Variants in DNAH5 observed in about 807,000 individuals in gnomAD.
DNAH5 encodes dynein axonemal heavy chain 5, also known as axonemal beta dynein heavy chain 5.
A neutral mutation model predicts 518.2 loss-of-function variants in DNAH5; 372 were observed. The ratio of observed to expected loss-of-function variants is 0.72; its 90% confidence interval spans 0.66 to 0.78. DNAH5 has a LOEUF of 0.78. Ranked by LOEUF, DNAH5 falls within the 30% of genes least tolerant of loss-of-function variation. The pLI, the probability that DNAH5 is intolerant of heterozygous loss-of-function variation, is 0.00. For missense variants in DNAH5, 5,523 were observed against 5,687.0 expected (o/e 0.97, Z 0.93); for synonymous variants, 2,039 against 2,025.9 (o/e 1.01, Z -0.17).
intron 37 of DNAH5, 139 bp from the exon 38 acceptor site, chr5:13,829,843 C>T (rs371478957): frequency 9.0e-7 from 1 of 1,111,028 alleles, no homozygotes; most frequent in Non-Finnish European, 1.3e-6. Context: ...TCTCGTTTTA[C>T]CTGGACAGGC....
Position 13,842,782 on chromosome 5 carries a change from G to T in DNAH5, c.5272-878C>A, listed in dbSNP as rs150742437. 5.4e-3 allele frequency among the ~76,000 whole-genome samples: 817 copies of T among 152,198 alleles called. 13 individuals are homozygous for T. The highest frequency in any genetic ancestry group is 0.034 in the South Asian group (162 of 4,818). ...TGAATTTGTATTTATAATTTTACAAGATTTAGCACCCACACAACCAAAATC... is the reference window on the plus strand; with the variant it reads ...TGAATTTGTATTTATAATTTTACAATATTTAGCACCCACACAACCAAAATC... On this transcript the variant is annotated intron_variant, in intron 32 of 78. Transcript: ENST00000265104.
In DNAH5 at chr5:13,864,513, G is replaced by A. The variant is rs535366955; in HGVS notation, c.4480C>T (p.Arg1494Trp). The A allele has an allele frequency of 9.2e-5, 148 of 1,613,948 alleles. 1 individual carries two copies. In the South Asian group the frequency reaches 1.2e-3, roughly 13 times the overall value. The part of the protein sequence containing the change: ...EYMASKAMME[R>W]HWERITTLTG... Reference sequence around the variant, plus strand: ...AGGGTGGTTATCCTTTCCCAGTGCCGCTCCATCATGGCTTTACTGGCCATG... The same window carrying A: ...AGGGTGGTTATCCTTTCCCAGTGCCACTCCATCATGGCTTTACTGGCCATG... Residue 1494 changes from arginine (R) to tryptophan (W), a missense_variant, in exon 28 of 79, where the codon CGG (arginine) becomes TGG (tryptophan). By Grantham distance (101) the Arg-to-Trp change is moderately radical. Transcript: ENST00000265104.
chr5:13,808,096 G>C (rs546194431), intron 46 of DNAH5, among the ~76,000 whole-genome samples: 261 of 151,814 alleles, frequency 1.7e-3, no homozygotes, highest in African/African-American at 6.2e-3. Flanking sequence ...CAGGTGTGGT[G>C]GTGTGCACCT....
At chr5:13,851,887 T>C (rs141959158) in intron 30 of DNAH5, among the ~76,000 whole-genome samples, 3,078 of 151,914 alleles carry the variant, frequency 0.02, 99 homozygotes, top group African/African-American at 0.068. Flanking sequence ...GCTCATCTCA[T>C]TGGGACTGGT....
intron 1 of DNAH5, among the ~76,000 whole-genome samples, chr5:13,997,405 C>T (rs527476736): frequency 6.6e-6 from 1 of 152,292 alleles, no homozygotes; most frequent in Admixed American, 6.5e-5. Context: ...GATGGCCTTT[C>T]CTCCAGTTTC....
intron 41 of DNAH5, 148 bp downstream of exon 41, chr5:13,820,198 T>C: frequency 1.1e-6 from 1 of 896,398 alleles, no homozygotes; most frequent in East Asian, 2.7e-5. Flanking sequence ...ATATGTTATC[T>C]CTAAAATGTT....
chr5:13,820,633 G>A (rs1030366203), intron 40 of DNAH5, 134 bp from the exon 41 acceptor site: 6 of 1,009,156 alleles, frequency 5.9e-6, no homozygotes, highest in Admixed American at 5.4e-5. Flanking sequence ...GACCAGCCAG[G>A]CCAACATGGT....
intron 1 of DNAH5, among the ~76,000 whole-genome samples, chr5:13,933,741 G>C (rs1778639311): frequency 7.4e-6 from 1 of 134,838 alleles, no homozygotes. Context: ...AGTGAGCCGA[G>C]ATTGCACCAT....
intron 36 of DNAH5, 21 bp downstream of exon 36, chr5:13,830,576 A>C: frequency 3.1e-6 from 5 of 1,613,748 alleles, no homozygotes; most frequent in Non-Finnish European, 4.2e-6. Context: ...TTCTCACCAG[A>C]TTAAAAAATA....
intron 75 of DNAH5, among the ~76,000 whole-genome samples, chr5:13,713,160 T>C (rs1743748475): frequency 8.2e-6 from 1 of 122,586 alleles, no homozygotes; most frequent in African/African-American, 3.0e-5. Context: ...GACATATATA[T>C]ATACCGACAT....
intron 22 of DNAH5, among the ~76,000 whole-genome samples, chr5:13,874,312 A>G (rs900951782): frequency 6.6e-6 from 1 of 152,216 alleles, no homozygotes; most frequent in Non-Finnish European, 1.5e-5. Context: ...CCAAGCTTAT[A>G]ATATTAAGAA....
At chr5:13,843,252 C>A (rs888425089) in intron 32 of DNAH5, among the ~76,000 whole-genome samples, 2 of 152,162 alleles carry the variant, frequency 1.3e-5, no homozygotes, top group Non-Finnish European at 2.9e-5. Context: ...TCCTTGCCCC[C>A]TTTCATTCCG....
chr5:13,842,423 AAAAG>A (rs77171541), intron 32 of DNAH5, among the ~76,000 whole-genome samples: 9,630 of 75,784 alleles, frequency 0.13, 758 homozygotes, highest in Middle Eastern at 0.13. Context: ...AAAAGAAAAG[AAAAG>A]AAAGAAAGAA....
chr5:13,816,579 C>T (rs576125856), intron 42 of DNAH5, among the ~76,000 whole-genome samples: 92 of 149,326 alleles, frequency 6.2e-4, no homozygotes, highest in African/African-American at 2.0e-3. Flanking sequence ...AAAACCTCTG[C>T]GCTCTTGTTC....
intron 75 of DNAH5, among the ~76,000 whole-genome samples, chr5:13,710,367 AC>A (rs1743331155): frequency 6.6e-6 from 1 of 152,200 alleles, no homozygotes; most frequent in African/African-American, 2.4e-5. Context: ...ATGAGAAGGA[AC>A]CAGAAAACCA....
At chr5:13,862,846 A>T in intron 28 of DNAH5, 99 bp from the exon 29 acceptor site, 1 of 336,040 alleles carries the variant, frequency 3.0e-6, no homozygotes. Flanking sequence ...TGCTTCATAT[A>T]TATATAAATA....
At chr5:13,801,844 T>C (rs1283205044) in intron 47 of DNAH5, among the ~76,000 whole-genome samples, 1 of 152,124 alleles carries the variant, frequency 6.6e-6, no homozygotes, top group Admixed American at 6.5e-5. Context: ...TTCATTTACA[T>C]ACAGTTAAAA....
At chr5:13,836,360 T>C (rs1370906379) in intron 35 of DNAH5, among the ~76,000 whole-genome samples, 3 of 151,958 alleles carry the variant, frequency 2.0e-5, no homozygotes, top group East Asian at 1.9e-4. Context: ...ACCTAAAGAA[T>C]GAGTAGAGGT....
intron 30 of DNAH5, among the ~76,000 whole-genome samples, chr5:13,851,625 C>A (rs1178446837): frequency 1.3e-5 from 2 of 152,056 alleles, no homozygotes; most frequent in African/African-American, 4.8e-5. Flanking sequence ...TTTTCATTTT[C>A]TTCTTTAAAG....
Sources: gnomAD v4.1 joint callset for allele counts (sites outside exome capture counted in the v4.1 genomes callset) on GRCh38, gnomAD v4.1.1 for gene constraint, MANE v1.5 for transcripts, NCBI Gene and HGNC (gene_info 2026-07-23, HGNC 2026-07-21) for gene names.